SCGN: variants seen among roughly 807,000 people sequenced by gnomAD.
SCGN encodes secretagogin, EF-hand calcium binding protein.
In SCGN, 30 loss-of-function variants were observed where a neutral mutation model predicts 39.7. The observed-to-expected ratio is 0.76, with a 90% CI of 0.57 to 1.03. The LOEUF (loss-of-function observed/expected upper bound fraction) is 1.03, where lower values mean the gene tolerates loss of function less well. Among genes scored for constraint, SCGN ranks in the 50% least tolerant of loss-of-function variants. The probability of loss-of-function intolerance (pLI) is 0.00; values close to 1 mark genes in which losing one functional copy is unlikely to be tolerated. For synonymous variants in SCGN, 106 were observed against 114.1 expected (o/e 0.93, Z 0.45); for missense variants, 353 against 349.4 (o/e 1.01, Z -0.08).
intron 2 of SCGN, among the ~76,000 whole-genome samples, chr6:25,659,861 T>C (rs1264102105): frequency 6.6e-6 from 1 of 152,140 alleles, no homozygotes; most frequent in African/African-American, 2.4e-5. Flanking sequence ...GGCAAGTTCT[T>C]TGCCATATGC....
chr6:25,692,909 G>A (rs569341679), intron 10 of SCGN, among the ~76,000 whole-genome samples: 26 of 152,096 alleles, frequency 1.7e-4, no homozygotes, highest in Admixed American at 1.6e-3. Flanking sequence ...TGTAGATGAG[G>A]CCGTGTAAAA....
In SCGN at chr6:25,661,654, C is replaced by T. The variant is rs377374396; in HGVS notation, c.246+10C>T. The T allele has an allele frequency of 8.8e-6, 14 of 1,582,196 alleles. No homozygotes were observed. The highest frequency in any genetic ancestry group is 6.7e-5 in the African/African-American group (5 of 74,286). On this transcript the variant is annotated intron_variant, in intron 3 of 10. Transcript: ENST00000377961. The stretch of plus-strand genomic sequence containing the variant: ...CATTCGGATGAAAGAGGTAACTTTA[C>T]TGACAGTATTTTTCATGGCTCTACT...
intron 4 of SCGN, among the ~76,000 whole-genome samples, chr6:25,666,236 A>T (rs1156972382): frequency 6.6e-6 from 1 of 151,594 alleles, no homozygotes; most frequent in Non-Finnish European, 1.5e-5. Flanking sequence ...GGCACCTGTA[A>T]TCCCAGCTAC....
rs536085336 is a variant in SCGN, at chr6:25,701,676, T to C, written c.*341T>C. On this transcript the variant is annotated 3_prime_UTR_variant, in exon 11 of 11. Coordinates refer to ENST00000377961, the MANE Select transcript of SCGN (RefSeq NM_006998.4). Reference sequence around the variant, plus strand: ...GTGCATTCATTTTGTGCTTTTCTTGTGGGCTTTCTGCTTAGTCTGAAAGGT... The same window carrying C: ...GTGCATTCATTTTGTGCTTTTCTTGCGGGCTTTCTGCTTAGTCTGAAAGGT... 1 of 179,346 alleles carries C rather than the reference T, an allele frequency of 5.6e-6. No homozygotes were observed. Among genetic ancestry groups the C allele is most frequent in the East Asian group, 1.5e-4 (1 of 6,772 alleles). 11.1% of individuals were successfully genotyped at this position (179,346 alleles called of 1,614,324 possible).
intron 7 of SCGN, among the ~76,000 whole-genome samples, chr6:25,687,097 G>A (rs770807934): frequency 2.6e-5 from 4 of 152,006 alleles, no homozygotes; most frequent in Non-Finnish European, 5.9e-5. Flanking sequence ...TAGATTTGCA[G>A]GCAAATTTTG....
intron 10 of SCGN, among the ~76,000 whole-genome samples, chr6:25,693,450 T>TCA (rs1759799088): frequency 4.0e-5 from 1 of 24,766 alleles, no homozygotes; most frequent in Non-Finnish European, 7.2e-5. Context: ...AGACTCCGTC[T>TCA]CAAAAAAAAA....
chr6:25,700,692 G>A (rs936003572), intron 10 of SCGN, among the ~76,000 whole-genome samples: 2 of 152,172 alleles, frequency 1.3e-5, no homozygotes, highest in East Asian at 3.9e-4. Flanking sequence ...GCTAACATGT[G>A]TCACGTTTCT....
At chr6:25,659,174 T>G (rs1760287114) in intron 2 of SCGN, among the ~76,000 whole-genome samples, 1 of 152,228 alleles carries the variant, frequency 6.6e-6, no homozygotes, top group Non-Finnish European at 1.5e-5. Flanking sequence ...TTCCCTGGTT[T>G]TCTAAGAATA....
chr6:25,694,196 A>T (rs1759810397), intron 10 of SCGN, among the ~76,000 whole-genome samples: 1 of 152,202 alleles, frequency 6.6e-6, no homozygotes. Context: ...ATTTTGCTGG[A>T]TCCCTTCTTA....
chr6:25,690,920 A>G, intron 9 of SCGN, 136 bp from the exon 10 acceptor site: 1 of 622,240 alleles, frequency 1.6e-6, no homozygotes. Context: ...CATGGAGAAC[A>G]TAAATTGGAA....
chr6:25,659,323 G>A (rs375886417), intron 2 of SCGN, among the ~76,000 whole-genome samples: 1 of 152,056 alleles, frequency 6.6e-6, no homozygotes, highest in East Asian at 1.9e-4. Context: ...ATTTATTAAC[G>A]ACTTAATGTT....
At chr6:25,669,713 A>G in intron 5 of SCGN, 146 bp downstream of exon 5, 6 of 676,038 alleles carry the variant, frequency 8.9e-6, no homozygotes, top group Non-Finnish European at 1.3e-5. Flanking sequence ...ATATGTATAT[A>G]TTTTCATTTT....
chr6:25,652,521 G>T (rs759608358), intron 1 of SCGN, 36 bp downstream of exon 1: 2 of 1,595,276 alleles, frequency 1.3e-6, no homozygotes, highest in South Asian at 1.1e-5. Flanking sequence ...CTCAGGTGTA[G>T]ACGTGGCTCC....
In SCGN at chr6:25,652,501, C is replaced by A; in HGVS notation, c.82+16C>A. ...GATGCGGATGGTGAGTAGAACAAGCCACTTGCACACTCAGGTGTAGACGTG... is the reference window on the plus strand; with the variant it reads ...GATGCGGATGGTGAGTAGAACAAGCAACTTGCACACTCAGGTGTAGACGTG... On this transcript the variant is annotated intron_variant, in intron 1 of 10. Transcript: ENST00000377961. 1 of 1,611,416 alleles carries A rather than the reference C, an allele frequency of 6.2e-7. No homozygotes were observed. The highest frequency in any genetic ancestry group is 8.5e-7 in the Non-Finnish European group (1 of 1,178,010).
intron 3 of SCGN, among the ~76,000 whole-genome samples, chr6:25,664,354 G>A (rs1190792972): frequency 1.3e-5 from 2 of 152,208 alleles, no homozygotes; most frequent in South Asian, 2.1e-4. Context: ...GTGATTAAAA[G>A]TGTGGGCTTG....
chr6:25,654,512 CCTA>C (rs1285821404), intron 2 of SCGN, among the ~76,000 whole-genome samples: 1 of 152,088 alleles, frequency 6.6e-6, no homozygotes, highest in Non-Finnish European at 1.5e-5. Context: ...GCTCTCATCT[CCTA>C]CTGTTTCTTG....
rs1759735167 is a variant in SCGN, at chr6:25,688,661, G to A, written c.528-511G>A. On this transcript the variant is annotated intron_variant, in intron 7 of 10. Transcript: ENST00000377961. ...CTAAAAATACAAAAAAATTAGCCGG[G>A]ACTGGTGGCGGGCGCCTGTAGTCCC... is the stretch of plus-strand genomic sequence containing the variant. Among the ~76,000 whole-genome samples the A allele has an allele frequency of 2.0e-5, 3 of 152,214 alleles. No individual in the cohort carries two copies. In the East Asian group the frequency reaches 5.8e-4, roughly 29 times the overall value.
At chr6:25,679,908 A>T (rs1375033736) in intron 6 of SCGN, among the ~76,000 whole-genome samples, 2 of 152,214 alleles carry the variant, frequency 1.3e-5, no homozygotes, top group Non-Finnish European at 2.9e-5. Context: ...CAAATTCATG[A>T]TGAGATATCC....
chr6:25,662,930 T>C (rs965611977), intron 3 of SCGN, among the ~76,000 whole-genome samples: 1 of 152,244 alleles, frequency 6.6e-6, no homozygotes, highest in African/African-American at 2.4e-5. Context: ...TAGTGCTCAG[T>C]ATTTCTTGAC....
Sources: gnomAD v4.1 joint callset for allele counts (sites outside exome capture counted in the v4.1 genomes callset) on GRCh38, gnomAD v4.1.1 for gene constraint, MANE v1.5 for transcripts, NCBI Gene and HGNC (gene_info 2026-07-23, HGNC 2026-07-21) for gene names.